The following BRF1 variants were observed in gnomAD, a reference collection of about 807,000 sequenced individuals.
The protein encoded by BRF1 is BRF1 general transcription factor IIIB subunit, also known as transcription factor IIIB 90 kDa subunit.
BRF1 carries 59 observed loss-of-function variants against 81.7 expected under a neutral mutation model. The observed-to-expected ratio is 0.72, with a 90% CI of 0.59 to 0.90. BRF1 has a LOEUF of 0.90. BRF1 is among the 40% of genes least tolerant of loss of function. The probability of loss-of-function intolerance (pLI) is 0.00; values close to 1 mark genes in which losing one functional copy is unlikely to be tolerated. For missense variants in BRF1, 1,050 were observed against 936.3 expected, an observed-to-expected ratio of 1.12 and a Z score of -1.58; for synonymous variants, 491 against 395.6, an observed-to-expected ratio of 1.24 and a Z score of -2.86.
intron 1 of BRF1, among the ~76,000 whole-genome samples, chr14:105,286,593 A>G (rs587730560): frequency 2.5e-4 from 38 of 150,292 alleles, no homozygotes; most frequent in African/African-American, 8.8e-4. Flanking sequence ...GGGTGGGCCA[A>G]CTGCACTTTC....
At chr14:105,249,497 G>C (rs778923848) in intron 5 of BRF1, 1 of 1,610,158 alleles carries the variant, frequency 6.2e-7, no homozygotes, top group Non-Finnish European at 8.5e-7. Flanking sequence ...ACTCTACTGG[G>C]GAGGGACGGG....
At chr14:105,263,251 A>G (rs2056242448) in intron 3 of BRF1, among the ~76,000 whole-genome samples, 1 of 151,506 alleles carries the variant, frequency 6.6e-6, no homozygotes, top group African/African-American at 2.4e-5. Flanking sequence ...AAAAAAAAAA[A>G]AAAAGTAGGA....
chr14:105,241,013 C>G (rs1010750969), intron 6 of BRF1, among the ~76,000 whole-genome samples: 3 of 152,200 alleles, frequency 2.0e-5, no homozygotes, highest in African/African-American at 7.2e-5. Flanking sequence ...AAGTAGGCAA[C>G]CTGGGGTCAA....
In BRF1 at chr14:105,309,302, A is replaced by C. The variant is rs752522458; in HGVS notation, c.-162+6020T>G. On this transcript the variant is annotated intron_variant, in intron 1 of 17. Coordinates refer to the BRF1 transcript ENST00000327359. The surrounding 1 kb of genome is among the most constrained non-coding windows in gnomAD (Gnocchi z 4.0). ...AGGGGAGAGTTTTATTCCTGAATCC[A>C]GGTCATGCTGTGTTCAACTTTACAC... Among the ~76,000 whole-genome samples, 1 of 152,230 alleles carries C rather than the reference A, an allele frequency of 6.6e-6. No homozygotes were observed. The highest frequency in any genetic ancestry group is 2.4e-5 in the African/African-American group (1 of 41,456).
chr14:105,272,322 T>C (rs2140406191), intron 3 of BRF1, among the ~76,000 whole-genome samples: 1 of 152,228 alleles, frequency 6.6e-6, no homozygotes, highest in Non-Finnish European at 1.5e-5. Flanking sequence ...AGGCACTCGG[T>C]GTACGCCTGG....
intron 3 of BRF1, among the ~76,000 whole-genome samples, chr14:105,264,306 T>C (rs748406307): frequency 1.3e-5 from 2 of 151,690 alleles, no homozygotes; most frequent in African/African-American, 2.4e-5. Flanking sequence ...CACCATTCTC[T>C]ACAAAAAATA....
intron 3 of BRF1, among the ~76,000 whole-genome samples, chr14:105,260,315 C>T (rs1045760610): frequency 3.9e-5 from 6 of 151,984 alleles, no homozygotes; most frequent in Non-Finnish European, 8.8e-5. Flanking sequence ...CTTTGGGGAG[C>T]GGACCACAGG....
rs751231414 is a variant in BRF1 at position 105,217,668 on chromosome 14, C to T, written c.1648G>A (p.Gly550Ser). Residue 550 changes from glycine to serine, a missense_variant, in exon 15 of 18, where the codon GGC becomes AGC. By Grantham distance (56) the Gly-to-Ser change is moderately conservative. Around this residue, in one of 2 missense-constraint regions of BRF1, gnomAD observed 1,043 missense variants for 915.4 expected, o/e 1.14. Transcript: ENST00000547530. Reference sequence around the variant, plus strand: ...TCCTCCCTGTGCGGACTGCCCCCGCCGGCGCTGCTGAGGCCCCGGAGCACG... The same window carrying T: ...TCCTCCCTGTGCGGACTGCCCCCGCTGGCGCTGCTGAGGCCCCGGAGCACG... ...YSVLRGLSSA[G>S]GGSPHREDAQ... 35 of 1,613,280 alleles carry T rather than the reference C, an allele frequency of 2.2e-5. No individual in the cohort carries two copies. The highest frequency in any genetic ancestry group is 3.3e-5 in the Admixed American group (2 of 60,002).
At chr14:105,264,093 G>A (rs1332425318) in intron 3 of BRF1, among the ~76,000 whole-genome samples, 1 of 152,038 alleles carries the variant, frequency 6.6e-6, no homozygotes, top group Non-Finnish European at 1.5e-5. Flanking sequence ...AATAAAAACA[G>A]AACCACAAAT....
upstream of BRF1, among the ~76,000 whole-genome samples, chr14:105,305,724 C>T (rs2058168326): frequency 6.6e-6 from 1 of 152,180 alleles, no homozygotes; most frequent in Admixed American, 6.5e-5. Flanking sequence ...CCCCATGCTG[C>T]AAGCGCCCCA....
chr14:105,226,332 T>C (rs766721591), intron 8 of BRF1, 42 bp from the exon 9 acceptor site: 7 of 1,613,252 alleles, frequency 4.3e-6, no homozygotes, highest in Non-Finnish European at 5.1e-6. Context: ...AGGGAGGCCC[T>C]GGTGCACAGC....
At chr14:105,251,886 G>A (rs1375798106) in intron 5 of BRF1, among the ~76,000 whole-genome samples, 3 of 151,978 alleles carry the variant, frequency 2.0e-5, no homozygotes, top group Admixed American at 1.3e-4. Flanking sequence ...TGCCTCGAGG[G>A]AGAGACAGGA....
chr14:105,261,820 G>T (rs113717323), intron 3 of BRF1, among the ~76,000 whole-genome samples: 1 of 152,208 alleles, frequency 6.6e-6, no homozygotes, highest in South Asian at 2.1e-4. Flanking sequence ...GGGGGACTGC[G>T]GCGCCCACAC....
Position 105,210,043 on chromosome 14 carries a change from ACGG to A in BRF1, c.*505_*507del, listed in dbSNP as rs1566789137. The A allele has an allele frequency of 4.5e-6, 1 of 223,028 alleles. No homozygotes were observed. Among genetic ancestry groups the A allele is most frequent in the Admixed American group, 5.2e-5 (1 of 19,300 alleles). 13.8% of individuals were successfully genotyped at this position (223,028 alleles called of 1,614,324 possible). ...CTCAAGTGCCAGATCCTCAGCTCCC[ACGG>A]CTGCGCCGGACACCTGCAGGGCTCT... On this transcript the variant is annotated 3_prime_UTR_variant, in exon 18 of 18. Coordinates refer to ENST00000547530, the MANE Select transcript of BRF1 (RefSeq NM_001519.4). This position sits in a 1 kb window ranked among gnomAD's most constrained non-coding sequence, Gnocchi z 4.7.
intron 10 of BRF1, among the ~76,000 whole-genome samples, chr14:105,225,658 T>G (rs1044159327): frequency 6.6e-6 from 1 of 152,042 alleles, no homozygotes; most frequent in Non-Finnish European, 1.5e-5. Flanking sequence ...TTCTTTTTTT[T>G]TTTGTTTGAG....
chr14:105,247,441 C>T (rs189279569), intron 5 of BRF1: 509 of 985,436 alleles, frequency 5.2e-4, no homozygotes, highest in Non-Finnish European at 5.9e-4. Flanking sequence ...ACGTCCTTTG[C>T]CCGTTTTTTA....
intron 6 of BRF1, 136 bp from the exon 7 acceptor site, chr14:105,229,049 A>G: frequency 2.6e-6 from 2 of 782,174 alleles, no homozygotes; most frequent in African/African-American, 1.7e-5. Flanking sequence ...AGGCAGTGAG[A>G]CCCTCACTTG....
chr14:105,314,549 C>G (rs1259791355), intron 1 of BRF1: 1 of 146,384 alleles, frequency 6.8e-6, no homozygotes, highest in Non-Finnish European at 1.5e-5. Context: ...CCCCGTGAGG[C>G]GCCGCCGGAG....
At chr14:105,212,302 A>T (rs1890245314) in intron 15 of BRF1, 138 bp from the exon 16 acceptor site, 1 of 1,156,940 alleles carries the variant, frequency 8.6e-7, no homozygotes, top group East Asian at 2.6e-5. Flanking sequence ...TTCTGCGTCC[A>T]GGTTCTGTGT....
Sources: allele counts gnomAD v4.1 joint callset (sites outside exome capture counted in the v4.1 genomes callset), GRCh38; gene constraint gnomAD v4.1.1; regional missense constraint gnomAD v4.1.1; non-coding constraint Gnocchi (gnomAD v3.1); transcripts MANE v1.5; gene names NCBI Gene and HGNC (gene_info 2026-07-23, HGNC 2026-07-21).